The following NOX4 variants were observed in gnomAD, a reference collection of about 807,000 sequenced individuals.
NOX4 encodes the protein NADPH oxidase 4.
NOX4 carries 69 observed loss-of-function variants against 87.6 expected under a neutral mutation model. The observed-to-expected ratio is 0.79, with a 90% CI of 0.65 to 0.96. NOX4 has a LOEUF of 0.96. Ranked by LOEUF, NOX4 falls within the 40% of genes least tolerant of loss-of-function variation. The probability of loss-of-function intolerance (pLI) is 0.00; values close to 1 mark genes in which losing one functional copy is unlikely to be tolerated. For synonymous variants in NOX4, 275 were observed against 238.2 expected (o/e 1.15, Z -1.42); for missense variants, 680 against 681.5 (o/e 1.00, Z 0.02).
chr11:89,353,582 TA>T (rs1013281268), intron 13 of NOX4, among the ~76,000 whole-genome samples: 1 of 151,860 alleles, frequency 6.6e-6, no homozygotes, highest in Non-Finnish European at 1.5e-5. Context: ...GTGAGAAACT[TA>T]AAAAAAAGTG....
chr11:89,429,987 A>C (rs1943690133), intron 7 of NOX4, among the ~76,000 whole-genome samples: 1 of 152,220 alleles, frequency 6.6e-6, no homozygotes, highest in Non-Finnish European at 1.5e-5. Flanking sequence ...CCAGCAGCAC[A>C]TCAAAAAGCT....
the NOX4 span, among the ~76,000 whole-genome samples, chr11:89,550,161 T>C: frequency 2.6e-5 from 4 of 151,606 alleles, no homozygotes; most frequent in African/African-American, 9.7e-5. Context: ...CCAGTATCGG[T>C]TGTTTCCTGA....
chr11:89,341,531 C>G (rs1946002504), intron 14 of NOX4, among the ~76,000 whole-genome samples: 1 of 152,184 alleles, frequency 6.6e-6, no homozygotes, highest in Non-Finnish European at 1.5e-5. Context: ...GACCATACTT[C>G]AACAATAAAC....
chr11:89,470,331 T>C (rs1336984622), intron 2 of NOX4, among the ~76,000 whole-genome samples: 2 of 152,122 alleles, frequency 1.3e-5, no homozygotes, highest in East Asian at 1.9e-4. Flanking sequence ...ACATTCTCAT[T>C]GTAGTTGTAT....
the NOX4 span, among the ~76,000 whole-genome samples, chr11:89,515,388 A>G: frequency 1.3e-5 from 2 of 151,310 alleles, no homozygotes; most frequent in Non-Finnish European, 3.0e-5. Flanking sequence ...ATCTGTTCAA[A>G]TTTTTCTCCT....
At chr11:89,359,437 G>A (rs1938341414) in intron 12 of NOX4, among the ~76,000 whole-genome samples, 2 of 146,926 alleles carry the variant, frequency 1.4e-5, no homozygotes, top group Admixed American at 6.9e-5. Flanking sequence ...ATGGAGTGCA[G>A]TGGCATGATC....
chr11:89,417,566 C>T (rs1398821875), intron 8 of NOX4, among the ~76,000 whole-genome samples: 1 of 152,040 alleles, frequency 6.6e-6, no homozygotes, highest in Non-Finnish European at 1.5e-5. Flanking sequence ...ATAATTGTTG[C>T]CATATCAAGG....
intron 2 of NOX4, among the ~76,000 whole-genome samples, chr11:89,474,599 A>C (rs1946089143): frequency 6.6e-6 from 1 of 152,010 alleles, no homozygotes; most frequent in African/African-American, 2.4e-5. Flanking sequence ...ATAGAAATGA[A>C]ATAGTAATAT....
intron 8 of NOX4, among the ~76,000 whole-genome samples, chr11:89,404,823 T>C (rs1437452119): frequency 6.6e-6 from 1 of 152,130 alleles, no homozygotes; most frequent in East Asian, 1.9e-4. Context: ...GAAAGTATCA[T>C]ATCAGTAATT....
intron 8 of NOX4, among the ~76,000 whole-genome samples, chr11:89,414,611 ATTTT>A (rs71464047): frequency 7.4e-6 from 1 of 134,454 alleles, no homozygotes; most frequent in African/African-American, 2.9e-5. Flanking sequence ...AAAGTATCAC[ATTTT>A]TTTTATTTTA....
At chr11:89,524,133 T>A in the NOX4 span, among the ~76,000 whole-genome samples, 1 of 152,184 alleles carries the variant, frequency 6.6e-6, no homozygotes, top group Admixed American at 6.6e-5. Flanking sequence ...AAGTAGATGC[T>A]GTTTATTCTC....
chr11:89,377,354 C>G (rs1939928335), intron 11 of NOX4, among the ~76,000 whole-genome samples: 1 of 152,022 alleles, frequency 6.6e-6, no homozygotes, highest in Non-Finnish European at 1.5e-5. Flanking sequence ...ATCATGTCGA[C>G]CTTAATATAA....
chr11:89,390,340 A>T (rs1381272709), intron 11 of NOX4, among the ~76,000 whole-genome samples: 2 of 152,224 alleles, frequency 1.3e-5, no homozygotes, highest in African/African-American at 2.4e-5. Flanking sequence ...TAACCCCCCA[A>T]ATCTGGGGAA....
At chr11:89,588,033 C>T in the NOX4 span, among the ~76,000 whole-genome samples, 7 of 151,998 alleles carry the variant, frequency 4.6e-5, no homozygotes, top group Admixed American at 4.6e-4. Context: ...GTTTTCTATT[C>T]CGGTGTTAGG....
chr11:89,491,357 C>G lies in NOX4; in HGVS notation c.-111G>C, dbSNP rs369043493. The stretch of plus-strand genomic sequence containing the variant: ...GCCTGCCGGGCCGCTGAGCGAGGAC[C>G]GAGGGTCAAAGACTGAGTGGAAGCC... On this transcript the variant is annotated 5_prime_UTR_variant, in exon 1 of 18. Transcript: ENST00000263317. 7.8e-4 allele frequency: 803 copies of G among 1,028,684 alleles called. 9 individuals carry two copies. The highest frequency in any genetic ancestry group is 5.4e-3 in the Middle Eastern group (17 of 3,120). The allele number at this position is 1,028,684 out of a possible 1,614,324, so 63.7% of individuals were successfully genotyped here. A position where few individuals can be genotyped will look rare whatever the true frequency, so the allele number is the denominator to read the frequency against.
At chr11:89,395,915 C>T (rs368616059) in intron 11 of NOX4, among the ~76,000 whole-genome samples, 2 of 151,932 alleles carry the variant, frequency 1.3e-5, no homozygotes, top group African/African-American at 4.8e-5. Flanking sequence ...AGCCTTGTAG[C>T]ATAGTTTGAA....
chr11:89,356,190 G>A (rs12418265), intron 12 of NOX4, among the ~76,000 whole-genome samples: 2,652 of 152,178 alleles, frequency 0.017, 120 homozygotes, highest in Admixed American at 0.1. Flanking sequence ...TATCTTTTAG[G>A]AAAGGTAGGG....
chr11:89,580,031 A>G, the NOX4 span, among the ~76,000 whole-genome samples: 1 of 152,216 alleles, frequency 6.6e-6, no homozygotes, highest in Non-Finnish European at 1.5e-5. Context: ...CTGGGAAATG[A>G]TCACGAGGAC....
intron 2 of NOX4, among the ~76,000 whole-genome samples, chr11:89,478,062 T>A (rs1241809818): frequency 6.6e-6 from 1 of 152,188 alleles, no homozygotes; most frequent in East Asian, 1.9e-4. Context: ...CTGAAATAGA[T>A]AAGTCTTAGC....
Sources: gnomAD v4.1 joint callset for allele counts (sites outside exome capture counted in the v4.1 genomes callset) on GRCh38, gnomAD v4.1.1 for gene constraint, MANE v1.5 for transcripts, NCBI Gene and HGNC (gene_info 2026-07-23, HGNC 2026-07-21) for gene names.